TRIO: variants seen among roughly 807,000 people sequenced by gnomAD.
TRIO encodes the protein trio Rho guanine nucleotide exchange factor.
A neutral mutation model predicts 351.9 loss-of-function variants in TRIO; 58 were observed. The ratio of observed to expected loss-of-function variants is 0.16; its 90% CI spans 0.13 to 0.21. TRIO has a LOEUF of 0.21. TRIO is among the 10% of genes least tolerant of loss of function. The pLI is 1.00. For missense variants in TRIO, 3,201 were observed against 4,027.8 expected (o/e 0.79, Z 5.56); for synonymous variants, 1,758 against 1,595.7 (o/e 1.10, Z -2.42).
Position 14,507,138 on chromosome 5 carries a change from C to T in TRIO, c.8629C>T (p.Leu2877Phe), listed in dbSNP as rs748327260. ...CCTCTTTAGGGCTGACCAGGGTCGCCTCCTGGACTGCGTGGTGCGATGGGG... is the reference window on the plus strand; with the variant it reads ...CCTCTTTAGGGCTGACCAGGGTCGCTTCCTGGACTGCGTGGTGCGATGGGG... Reference protein sequence around the residue: ...LVLEMADQGRLLDCVVRWGSL... With the variant: ...LVLEMADQGRFLDCVVRWGSL... The change falls in exon 56 of 57, where the codon CTC becomes TTC. Residue 2877 changes from leucine to phenylalanine, a missense_variant. Coordinates refer to ENST00000344204, the MANE Select transcript of TRIO (RefSeq NM_007118.4). 39 of 1,607,468 alleles carry T rather than the reference C, an allele frequency of 2.4e-5. No homozygotes were observed. Among genetic ancestry groups the T allele is most frequent in the Non-Finnish European group, 3.1e-5 (37 of 1,177,858 alleles).
chr5:14,369,410 A>C lies in TRIO; in HGVS notation c.3103A>C (p.Lys1035Gln). ...SVLESLEQEY[K>Q]REEDWCGGAD... ...CCTCGAGAGCCTGGAACAGGAGTACAAGAGAGAAGAAGACTGGTGTGGCGG... is the reference window on the plus strand; with the variant it reads ...CCTCGAGAGCCTGGAACAGGAGTACCAGAGAGAAGAAGACTGGTGTGGCGG... Residue 1035 changes from lysine to glutamine, a missense_variant, in exon 18 of 57, where the codon AAG (lysine) becomes CAG (glutamine). This residue lies in a region of TRIO where 363 missense variants were observed against 553.5 expected (regional missense o/e 0.66). Coordinates refer to ENST00000344204, the MANE Select transcript of TRIO (RefSeq NM_007118.4). 4 of 1,614,148 alleles carry C rather than the reference A, an allele frequency of 2.5e-6. No individual in the cohort carries two copies. Among genetic ancestry groups the C allele is most frequent in the Non-Finnish European group, 3.4e-6 (4 of 1,180,016 alleles).
At chr5:14,359,607 C>T in intron 13 of TRIO, 76 bp downstream of exon 13, 1 of 1,532,904 alleles carries the variant, frequency 6.5e-7, no homozygotes, top group East Asian at 2.3e-5. Flanking sequence ...GCCCTCTTGT[C>T]TCTGCCCTGC....
intron 41 of TRIO, among the ~76,000 whole-genome samples, chr5:14,477,939 G>A (rs1755214605): frequency 2.0e-5 from 3 of 152,160 alleles, no homozygotes. Flanking sequence ...TTTTTTGCTT[G>A]AAAGCTGTAA....
At chr5:14,453,508 T>C (rs997151171) in intron 34 of TRIO, among the ~76,000 whole-genome samples, 10 of 152,244 alleles carry the variant, frequency 6.6e-5, no homozygotes, top group Non-Finnish European at 2.9e-5. Context: ...TGTGCTATCA[T>C]GGAGTCCTTT....
At chr5:14,351,501 T>G (rs1165328547) in intron 11 of TRIO, among the ~76,000 whole-genome samples, 28 of 152,210 alleles carry the variant, frequency 1.8e-4, no homozygotes, top group Admixed American at 1.8e-3. Flanking sequence ...CCCAGATGAT[T>G]GTCTTTGTCA....
At chr5:14,384,794 ACTTT>A (rs1746395233) in intron 21 of TRIO, among the ~76,000 whole-genome samples, 1 of 152,222 alleles carries the variant, frequency 6.6e-6, no homozygotes, top group South Asian at 2.1e-4. Flanking sequence ...AAAATGTAAA[ACTTT>A]ACACAAGACA....
intron 49 of TRIO, among the ~76,000 whole-genome samples, chr5:14,494,361 C>T (rs75539485): frequency 0.03 from 4,619 of 152,308 alleles, 89 homozygotes; most frequent in Middle Eastern, 0.058. Context: ...GCTGACAGCA[C>T]ATCTGTACAC....
intron 5 of TRIO, among the ~76,000 whole-genome samples, chr5:14,292,668 C>G (rs566196474): frequency 6.6e-6 from 1 of 152,332 alleles, no homozygotes; most frequent in South Asian, 2.1e-4. Context: ...TTGAACCTCA[C>G]TGTGGCAAAT....
At chr5:14,359,776 G>A (rs569942782) in intron 13 of TRIO, among the ~76,000 whole-genome samples, 4 of 152,328 alleles carry the variant, frequency 2.6e-5, no homozygotes, top group South Asian at 2.1e-4. Context: ...CAGGCAGCTC[G>A]CGTGGCAGGA....
intron 34 of TRIO, among the ~76,000 whole-genome samples, chr5:14,453,128 C>T (rs1211328270): frequency 2.6e-5 from 4 of 151,738 alleles, no homozygotes; most frequent in Non-Finnish European, 4.4e-5. Flanking sequence ...ACTCTTATTT[C>T]AGCAAGGAAG....
In TRIO at chr5:14,346,374, G is replaced by C. The variant is rs554033057; in HGVS notation, c.2046+9647G>C. Among the ~76,000 whole-genome samples the C allele has an allele frequency of 7.7e-4, 117 of 152,340 alleles. 1 individual carries two copies. Among genetic ancestry groups the C allele is most frequent in the African/African-American group, 2.8e-3 (117 of 41,582 alleles). ...AAATGGTGAAGGCTTTGTAAGGAAA[G>C]ACTTATTTAATCTAAGCACGTTCAA... On this transcript the variant is annotated intron_variant, in intron 11 of 56. Coordinates refer to ENST00000344204, the MANE Select transcript of TRIO (RefSeq NM_007118.4).
At chr5:14,433,134 A>G (rs1015614523) in intron 34 of TRIO, among the ~76,000 whole-genome samples, 41 of 152,372 alleles carry the variant, frequency 2.7e-4, no homozygotes, top group African/African-American at 8.2e-4. Flanking sequence ...GTGAAATGTA[A>G]AAAAGGAGTA....
chr5:14,333,074 A>C (rs762617146), intron 10 of TRIO, among the ~76,000 whole-genome samples: 2 of 152,172 alleles, frequency 1.3e-5, no homozygotes, highest in African/African-American at 2.4e-5. Flanking sequence ...GAAAATAATG[A>C]GACTTGGCTC....
At chr5:14,271,274 C>T (rs774902835) in intron 2 of TRIO, among the ~76,000 whole-genome samples, 8 of 152,196 alleles carry the variant, frequency 5.3e-5, no homozygotes, top group Non-Finnish European at 8.8e-5. Context: ...TTTTGTTTCT[C>T]GTACTCTGTA....
At chr5:14,165,858 C>T (rs543154017) in intron 1 of TRIO, among the ~76,000 whole-genome samples, 15 of 152,358 alleles carry the variant, frequency 9.8e-5, no homozygotes, top group African/African-American at 3.1e-4. Flanking sequence ...GAGGTAGGAA[C>T]GCCAACCATC....
intron 41 of TRIO, 136 bp from the exon 42 acceptor site, chr5:14,479,125 C>T (rs1755325851): frequency 2.8e-6 from 2 of 706,748 alleles, no homozygotes; most frequent in Non-Finnish European, 5.0e-6. Context: ...CTGGAATTTA[C>T]TCCCGAGAGC....
intron 20 of TRIO, among the ~76,000 whole-genome samples, chr5:14,378,628 C>T (rs762013266): frequency 1.1e-4 from 16 of 151,680 alleles, no homozygotes; most frequent in Non-Finnish European, 2.2e-4. Context: ...GGCACGGTCT[C>T]AGCTTACTGC....
At chr5:14,394,451 G>A (rs372965073) in intron 28 of TRIO, among the ~76,000 whole-genome samples, 3 of 152,090 alleles carry the variant, frequency 2.0e-5, no homozygotes, top group African/African-American at 4.8e-5. Context: ...ACTTTGGTAC[G>A]CTCTGCATAT....
rs80032426 is a variant in TRIO, at chr5:14,422,941, A to G, written c.5203+2920A>G. On this transcript the variant is annotated intron_variant, in intron 34 of 56. Transcript: ENST00000344204. ...GCATTTTAAAACCAGCCTGGGTATC[A>G]TAGCAAGACCCAGTCTCTTTAAAAA... 6.3e-4 allele frequency among the ~76,000 whole-genome samples: 96 copies of G among 152,272 alleles called. 1 individual carries two copies. In the East Asian group the frequency reaches 0.013, roughly 20 times the overall value.
Sources: gnomAD v4.1 joint callset for allele counts (sites outside exome capture counted in the v4.1 genomes callset) on GRCh38, gnomAD v4.1.1 for gene constraint, gnomAD v4.1.1 regional missense constraint, MANE v1.5 for transcripts, NCBI Gene and HGNC (gene_info 2026-07-23, HGNC 2026-07-21) for gene names.